DNAI7: variants seen among roughly 807,000 people sequenced by gnomAD.
The protein encoded by DNAI7 is dynein axonemal intermediate chain 7, also known as cancer susceptibility 1.
DNAI7 carries 78 observed loss-of-function variants against 86.6 expected under a neutral mutation model. The ratio of observed to expected loss-of-function variants is 0.90; its 90% CI spans 0.75 to 1.09. DNAI7 has a LOEUF of 1.09. DNAI7 is among the 50% of genes least tolerant of loss of function. The probability of loss-of-function intolerance (pLI) is 0.00; values close to 1 mark genes in which losing one functional copy is unlikely to be tolerated. For synonymous variants in DNAI7, 274 were observed against 273.0 expected, an observed-to-expected ratio of 1.00 and a Z score of -0.04; for missense variants, 753 against 810.2, an observed-to-expected ratio of 0.93 and a Z score of 0.86.
intron 2 of DNAI7, among the ~76,000 whole-genome samples, chr12:25,166,917 C>A (rs1419782391): frequency 6.6e-6 from 1 of 152,168 alleles, no homozygotes; most frequent in African/African-American, 2.4e-5. Context: ...ATACTTTCTG[C>A]TCCCTGGCTC....
intron 2 of DNAI7, among the ~76,000 whole-genome samples, chr12:25,164,731 G>A (rs1592554684): frequency 6.6e-6 from 1 of 151,888 alleles, no homozygotes; most frequent in South Asian, 2.1e-4. Flanking sequence ...CCTCCCGCCT[G>A]TCCCCTCAGT....
In DNAI7 at chr12:25,144,386, T is replaced by C; in HGVS notation, c.981A>G (p.Gln327=). ...CTACCATTTTCACTTCAATATCACC[T>C]TGTTCCTCCTCAACTTTTATTTCTT... ...QEEEIKVEEE[Q]GDIEVKMSSA... The change falls in exon 9 of 16, where the codon CAA becomes CAG. Residue 327 remains glutamine, a synonymous_variant. Coordinates refer to ENST00000395987, the MANE Select transcript of DNAI7 (RefSeq NM_018272.5). 6.2e-7 allele frequency: 1 copy of C among 1,613,606 alleles called. No individual in the cohort carries two copies. Among genetic ancestry groups the C allele is most frequent in the Non-Finnish European group, 8.5e-7 (1 of 1,179,734 alleles).
At chr12:25,171,764 T>C (rs1313325066) in intron 2 of DNAI7, among the ~76,000 whole-genome samples, 1 of 152,284 alleles carries the variant, frequency 6.6e-6, no homozygotes, top group African/African-American at 2.4e-5. Flanking sequence ...ATCAAAAAGA[T>C]AATTCACCAT....
intron 4 of DNAI7, among the ~76,000 whole-genome samples, chr12:25,156,059 G>A (rs77760100): frequency 0.042 from 6,341 of 151,746 alleles, 442 homozygotes; most frequent in African/African-American, 0.14. Flanking sequence ...ACCCAAGATC[G>A]CGCAACCGCA....
intron 9 of DNAI7, among the ~76,000 whole-genome samples, 186 bp downstream of exon 9, chr12:25,144,179 C>T (rs115435879): frequency 0.073 from 11,076 of 152,108 alleles, 424 homozygotes; most frequent in South Asian, 0.13. Context: ...AAGCTAGTGG[C>T]TCAACTATTA....
intron 2 of DNAI7, among the ~76,000 whole-genome samples, chr12:25,165,922 CTAAAT>C (rs1947410016): frequency 6.6e-6 from 1 of 152,164 alleles, no homozygotes; most frequent in Non-Finnish European, 1.5e-5. Flanking sequence ...GACACTTAAA[CTAAAT>C]TATCTGCTTC....
chr12:25,184,750 T>C (rs913349532), intron 2 of DNAI7, among the ~76,000 whole-genome samples: 7 of 152,172 alleles, frequency 4.6e-5, no homozygotes, highest in African/African-American at 1.7e-4. Flanking sequence ...TTCAGCACAT[T>C]GAAGACATCA....
intron 6 of DNAI7, among the ~76,000 whole-genome samples, chr12:25,150,933 T>C (rs1439958216): frequency 6.6e-6 from 1 of 152,244 alleles, no homozygotes. Flanking sequence ...AAATGCTGTA[T>C]ATGTTTTAAT....
chr12:25,164,518 CT>C (rs1186688330), intron 2 of DNAI7, among the ~76,000 whole-genome samples: 4 of 152,180 alleles, frequency 2.6e-5, no homozygotes, highest in Non-Finnish European at 5.9e-5. Flanking sequence ...TGCAATCCTG[CT>C]TGACCCCAAT....
At chr12:25,174,245 C>T (rs979766092) in intron 2 of DNAI7, among the ~76,000 whole-genome samples, 6 of 107,394 alleles carry the variant, frequency 5.6e-5, no homozygotes, top group East Asian at 2.8e-4. Flanking sequence ...TCTGTTTACG[C>T]TGCTGACTGT....
intron 15 of DNAI7, 144 bp from the exon 16 acceptor site, chr12:25,108,967 GT>G: frequency 1.8e-6 from 1 of 547,318 alleles, no homozygotes; most frequent in Admixed American, 3.6e-5. Context: ...CCATTACTGG[GT>G]TTTGAAAAAC....
At position 25,147,199 on chromosome 12, in the gene DNAI7, T is replaced by C. The variant is rs530390727; in HGVS notation, c.586-95A>G. The stretch of plus-strand genomic sequence containing the variant: ...TTTATCACTTATGTGTTGGATTCCC[T>C]TTATTAATCACCTAAGAGAGTAACT... On this transcript the variant is annotated intron_variant, in intron 7 of 15. Coordinates refer to ENST00000395987, the MANE Select transcript of DNAI7 (RefSeq NM_018272.5). The C allele has an allele frequency of 1.7e-4, 112 of 669,856 alleles. 1 individual carries two copies. The East Asian group carries it at 3.0e-3, about 18-fold the overall frequency. 41.5% of individuals were successfully genotyped at this position (669,856 alleles called of 1,614,324 possible). A position where few individuals can be genotyped will look rare whatever the true frequency, so the allele number is the denominator to read the frequency against.
intron 2 of DNAI7, among the ~76,000 whole-genome samples, chr12:25,163,607 T>C (rs1363044866): frequency 2.0e-5 from 3 of 152,188 alleles, no homozygotes; most frequent in Non-Finnish European, 2.9e-5. Context: ...GGTGGTCTCT[T>C]CATATGGACG....
intron 9 of DNAI7, among the ~76,000 whole-genome samples, chr12:25,131,510 G>A (rs908672421): frequency 6.6e-6 from 1 of 152,192 alleles, no homozygotes; most frequent in Admixed American, 6.5e-5. Context: ...GTGACAGCAA[G>A]AGTCTTCCTA....
rs1166995951 is a variant in DNAI7, at chr12:25,177,376, CTA to C, written c.21+13236_21+13237del. ...CCTGTCACTCACCATTCTACTTTGT[CTA>C]TATGAGTTTGACTACTCTAGATATC... is the stretch of plus-strand genomic sequence containing the variant. On this transcript the variant is annotated intron_variant, in intron 2 of 15. Coordinates refer to ENST00000395987, the MANE Select transcript of DNAI7 (RefSeq NM_018272.5). Among the ~76,000 whole-genome samples, 3 of 152,228 alleles carry C rather than the reference CTA, an allele frequency of 2.0e-5. No homozygotes were observed. In the East Asian group the frequency reaches 5.8e-4, roughly 29 times the overall value.
At chr12:25,138,768 T>C (rs926634693) in intron 9 of DNAI7, among the ~76,000 whole-genome samples, 4 of 146,474 alleles carry the variant, frequency 2.7e-5, no homozygotes, top group Admixed American at 7.0e-5. Context: ...AGAGCACAAA[T>C]AGAAAATCTG....
At chr12:25,114,169 A>G (rs1461882031) in intron 13 of DNAI7, among the ~76,000 whole-genome samples, 1 of 149,326 alleles carries the variant, frequency 6.7e-6, no homozygotes, top group Non-Finnish European at 1.5e-5. Flanking sequence ...CGAACTGCTG[A>G]CCTCAGGTGA....
intron 2 of DNAI7, among the ~76,000 whole-genome samples, chr12:25,174,522 T>C (rs1948657716): frequency 7.8e-6 from 1 of 127,788 alleles, no homozygotes; most frequent in Non-Finnish European, 1.6e-5. Context: ...ATATATATCA[T>C]ATATATCATA....
At chr12:25,182,367 GACAC>G in intron 2 of DNAI7, among the ~76,000 whole-genome samples, 1 of 130,284 alleles carries the variant, frequency 7.7e-6, no homozygotes, top group Admixed American at 8.0e-5. Context: ...AAAAAAAAAA[GACAC>G]CTGTACTAGT....
Sources: allele counts gnomAD v4.1 joint callset (sites outside exome capture counted in the v4.1 genomes callset), GRCh38; gene constraint gnomAD v4.1.1; transcripts MANE v1.5; gene names NCBI Gene and HGNC (gene_info 2026-07-23, HGNC 2026-07-21).